Variants in CHAF1B observed in about 807,000 individuals in gnomAD.
CHAF1B encodes CAF-1 subunit B.
CHAF1B carries 10 observed loss-of-function variants against 60.7 expected under a neutral mutation model. The observed-to-expected ratio is 0.16, with a 90% CI of 0.10 to 0.28. The LOEUF (loss-of-function observed/expected upper bound fraction) is 0.28. Among genes scored for constraint, CHAF1B ranks in the 10% least tolerant of loss-of-function variants. CHAF1B has a pLI of 1.00. For missense variants in CHAF1B, 558 were observed against 708.4 expected (o/e 0.79, Z 2.41); for synonymous variants, 261 against 266.1 (o/e 0.98, Z 0.19).
intron 13 of CHAF1B, chr21:36,415,783 T>C: frequency 2.5e-6 from 1 of 406,666 alleles, no homozygotes; most frequent in Non-Finnish European, 4.7e-6. Context: ...GATGCAGTCT[T>C]GCTCTGTCGC....
rs577107606 is a variant in CHAF1B at position 36,418,848 on chromosome 21, CAA to C, written c.*2496_*2497del. 20 of 102,314 alleles carry C rather than the reference CAA, an allele frequency of 2.0e-4. No homozygotes were observed. Among genetic ancestry groups the C allele is most frequent in the Admixed American group, 5.7e-4 (5 of 8,810 alleles). 6.3% of individuals were successfully genotyped at this position (102,314 alleles called of 1,614,324 possible). A position where few individuals can be genotyped will look rare whatever the true frequency, so the allele number is the denominator to read the frequency against. On this transcript the variant is annotated 3_prime_UTR_variant, in exon 14 of 14. Transcript: ENST00000314103. Reference sequence around the variant, plus strand: ...TGGGCGACAGAGCGAGACTCTGTCTCAAAAAAAAAAAAAAAGAGAAAAAGAAG... The same window carrying C: ...TGGGCGACAGAGCGAGACTCTGTCTCAAAAAAAAAAAAAGAGAAAAAGAAG...
At chr21:36,398,661 A>G (rs1213863816) in intron 6 of CHAF1B, among the ~76,000 whole-genome samples, 1 of 152,084 alleles carries the variant, frequency 6.6e-6, no homozygotes, top group African/African-American at 2.4e-5. Flanking sequence ...CGCCCAGCCC[A>G]GTTATTTTAA....
At chr21:36,405,413 A>G (rs915831241) in intron 8 of CHAF1B, among the ~76,000 whole-genome samples, 2 of 152,072 alleles carry the variant, frequency 1.3e-5, no homozygotes, top group Non-Finnish European at 2.9e-5. Flanking sequence ...TGCAAAATAC[A>G]TAGAGTAAAT....
Position 36,391,645 on chromosome 21 carries a change from C to G in CHAF1B, c.354C>G (p.Asn118Lys). 2 of 1,612,564 alleles carry G rather than the reference C, an allele frequency of 1.2e-6. No individual in the cohort carries two copies. The part of the protein sequence containing the change: ...DEDEAQLNKE[N>K]WTVVKTLRGH... ...ACGAGGCCCAGCTGAACAAGGAGAA[C>G]TGGACGGTTGTGAAGACTCTGCGGT... is the stretch of plus-strand genomic sequence containing the variant. Residue 118 changes from asparagine to lysine, a missense_variant, in exon 4 of 14, where the codon AAC (asparagine) becomes AAG (lysine). By Grantham distance (94) the Asn-to-Lys change is moderately conservative. Around this residue, in one of 2 missense-constraint regions of CHAF1B, gnomAD observed 325 missense variants for 493.5 expected, o/e 0.66. Coordinates refer to ENST00000314103, the MANE Select transcript of CHAF1B (RefSeq NM_005441.3).
At chr21:36,405,833 G>A (rs779054821) in intron 8 of CHAF1B, among the ~76,000 whole-genome samples, 3 of 152,050 alleles carry the variant, frequency 2.0e-5, no homozygotes, top group African/African-American at 4.8e-5. Context: ...AAGATATGTC[G>A]TGTTCTAACA....
chr21:36,399,432 G>A, intron 6 of CHAF1B, 89 bp from the exon 7 acceptor site: 2 of 1,072,878 alleles, frequency 1.9e-6, no homozygotes, highest in South Asian at 2.7e-5. Flanking sequence ...AACTGTTGCG[G>A]TGGTAATAGG....
At chr21:36,392,995 C>T (rs564627033) in intron 4 of CHAF1B, among the ~76,000 whole-genome samples, 55 of 152,236 alleles carry the variant, frequency 3.6e-4, no homozygotes, top group African/African-American at 1.3e-3. Flanking sequence ...AGATCACTCG[C>T]GATTAGGAGC....
At chr21:36,408,863 C>A in intron 9 of CHAF1B, 33 bp downstream of exon 9, 2 of 1,504,662 alleles carry the variant, frequency 1.3e-6, no homozygotes, top group Non-Finnish European at 1.8e-6. Flanking sequence ...GAAATGTTTA[C>A]ATTTTTTTTA....
intron 3 of CHAF1B, among the ~76,000 whole-genome samples, chr21:36,389,342 CAT>C (rs894512914): frequency 1.3e-5 from 2 of 152,076 alleles, no homozygotes; most frequent in African/African-American, 2.4e-5. Context: ...GTCGCTCACA[CAT>C]GTTGTAATCC....
At chr21:36,403,477 A>G (rs1244239856) in intron 8 of CHAF1B, among the ~76,000 whole-genome samples, 1 of 150,990 alleles carries the variant, frequency 6.6e-6, no homozygotes, top group Non-Finnish European at 1.5e-5. Context: ...AAAAAAAAAA[A>G]AAAGAAACTT....
chr21:36,395,299 C>T (rs1035005977), intron 5 of CHAF1B, among the ~76,000 whole-genome samples: 7 of 152,278 alleles, frequency 4.6e-5, no homozygotes, highest in Middle Eastern at 3.4e-3. Context: ...CCACCCGCCT[C>T]GGCCTCCCAA....
At chr21:36,385,727 G>A (rs1175464148) in intron 1 of CHAF1B, among the ~76,000 whole-genome samples, 1 of 152,034 alleles carries the variant, frequency 6.6e-6, no homozygotes, top group East Asian at 2.0e-4. Context: ...CCCTCTTCCG[G>A]GAGGCTCCTC....
Position 36,413,172 on chromosome 21 carries a change from C to A in CHAF1B, c.1350C>A (p.Pro450=). The change falls in exon 12 of 14, where the codon CCC becomes CCA. Residue 450 remains proline (P), a synonymous_variant. Coordinates refer to ENST00000314103, the MANE Select transcript of CHAF1B (RefSeq NM_005441.3). ...APAPTVIRDP[P]SITPAVKSPL... is the part of the protein sequence containing the mutation. ...CCCCAACAGTCATCAGGGACCCTCC[C>A]TCCATCACTCCTGCTGTCAAAAGCC... The A allele has an allele frequency of 6.2e-7, 1 of 1,614,058 alleles. No homozygotes were observed. The highest frequency in any genetic ancestry group is 8.5e-7 in the Non-Finnish European group (1 of 1,179,998).
chr21:36,391,564 A>G lies in CHAF1B; in HGVS notation c.273A>G (p.Leu91=), dbSNP rs771187491. ...ATCACCCTGCAGATGCTGTCATCCT[A>G]TTGTGGAAGGTGAATGATAACAAGG... The part of the protein sequence containing the change: ...LASGGDDAVI[L]LWKVNDNKEP... The change falls in exon 4 of 14, where the codon CTA becomes CTG. Residue 91 remains leucine, a synonymous_variant. Transcript: ENST00000314103. 7 of 1,609,294 alleles carry G rather than the reference A, an allele frequency of 4.3e-6. No individual in the cohort carries two copies. Among genetic ancestry groups the G allele is most frequent in the South Asian group, 1.1e-5 (1 of 91,008 alleles).
intron 2 of CHAF1B, 77 bp from the exon 3 acceptor site, chr21:36,387,521 C>A: frequency 6.4e-7 from 1 of 1,556,328 alleles, no homozygotes; most frequent in Non-Finnish European, 8.8e-7. Flanking sequence ...ACACCCAGCC[C>A]ATAGTATTGT....
chr21:36,389,794 TGTGTGTGC>T (rs1271931507), intron 3 of CHAF1B, among the ~76,000 whole-genome samples: 1 of 124,430 alleles, frequency 8.0e-6, no homozygotes, highest in Non-Finnish European at 1.6e-5. Context: ...TGTGTGTGTG[TGTGTGTGC>T]GCGCGCACGC....
chr21:36,414,705 G>A (rs1300753349), intron 12 of CHAF1B, among the ~76,000 whole-genome samples: 1 of 152,118 alleles, frequency 6.6e-6, no homozygotes, highest in Non-Finnish European at 1.5e-5. Flanking sequence ...TCCGCCTTCT[G>A]GGTTCAAGTG....
intron 3 of CHAF1B, 125 bp downstream of exon 3, chr21:36,387,855 G>A: frequency 2.5e-6 from 3 of 1,209,472 alleles, no homozygotes; most frequent in South Asian, 1.5e-5. Flanking sequence ...TTTCACTCTT[G>A]TTCCCCAGGC....
chr21:36,412,902 C>T lies in CHAF1B; in HGVS notation c.1080C>T (p.Phe360=). The T allele has an allele frequency of 6.2e-7, 1 of 1,613,864 alleles. No individual in the cohort carries two copies. The highest frequency in any genetic ancestry group is 2.2e-5 in the East Asian group (1 of 44,880). The change falls in exon 12 of 14, where the codon TTC becomes TTT. Residue 360 remains phenylalanine (F), a synonymous_variant. Coordinates refer to ENST00000314103, the MANE Select transcript of CHAF1B (RefSeq NM_005441.3). ...SDISWSSDGA[F]LAISSTDGYC... Reference sequence around the variant, plus strand: ...GACGAAGGTCCAGCGATGGTGCCTTCCTGGCCATTTCTTCCACGGACGGTT... The same window carrying T: ...GACGAAGGTCCAGCGATGGTGCCTTTCTGGCCATTTCTTCCACGGACGGTT...
Sources: gnomAD v4.1 joint callset for allele counts (sites outside exome capture counted in the v4.1 genomes callset) on GRCh38, gnomAD v4.1.1 for gene constraint, gnomAD v4.1.1 regional missense constraint, MANE v1.5 for transcripts, NCBI Gene and HGNC (gene_info 2026-07-23, HGNC 2026-07-21) for gene names.